MXI1: variants seen among roughly 807,000 people sequenced by gnomAD.
MXI1 encodes MAX interactor 1, dimerization protein, also known as max-interacting protein 1.
In MXI1, 18 loss-of-function variants were observed where a neutral mutation model predicts 36.9. That is an observed-to-expected ratio of 0.49 (90% CI 0.34 to 0.72). The LOEUF (loss-of-function observed/expected upper bound fraction) is 0.72, where lower values mean the gene tolerates loss of function less well. Ranked by LOEUF, MXI1 falls within the 30% of genes least tolerant of loss-of-function variation. The probability of loss-of-function intolerance (pLI) is 0.01; values close to 1 mark genes in which losing one functional copy is unlikely to be tolerated. For missense variants in MXI1, 304 were observed against 379.1 expected, an observed-to-expected ratio of 0.80 and a Z score of 1.64; for synonymous variants, 160 against 146.7, an observed-to-expected ratio of 1.09 and a Z score of -0.65.
chr10:110,233,728 T>C (rs1855356390), intron 2 of MXI1, among the ~76,000 whole-genome samples: 1 of 152,122 alleles, frequency 6.6e-6, no homozygotes, highest in Non-Finnish European at 1.5e-5. Context: ...CAAAATTGAC[T>C]TAAATGAAAA....
At chr10:110,227,898 A>T (rs1855117121) in intron 1 of MXI1, 1 of 389,442 alleles carries the variant, frequency 2.6e-6, no homozygotes, top group East Asian at 4.5e-5. Context: ...TGGTCACAAA[A>T]TTTTTGTTCT....
Position 110,285,397 on chromosome 10 carries a change from C to T in MXI1, c.*410C>T, listed in dbSNP as rs887453626. On this transcript the variant is annotated 3_prime_UTR_variant, in exon 6 of 6. Coordinates refer to ENST00000332674, the MANE Select transcript of MXI1 (RefSeq NM_130439.3). ...TTCCTGAGCTTTATGGTCCTAAAAG[C>T]AAAATAAAAACTATTCGAATGAAAA... 3 of 154,774 alleles carry T rather than the reference C, an allele frequency of 1.9e-5. No individual in the cohort carries two copies. Among genetic ancestry groups the T allele is most frequent in the African/African-American group, 7.2e-5 (3 of 41,384 alleles). The allele number at this position is 154,774 out of a possible 1,614,324, so 9.6% of individuals were successfully genotyped here. A position where few individuals can be genotyped will look rare whatever the true frequency, so the allele number is the denominator to read the frequency against.
At chr10:110,220,649 T>C (rs1854780531) in intron 1 of MXI1, among the ~76,000 whole-genome samples, 1 of 152,232 alleles carries the variant, frequency 6.6e-6, no homozygotes, top group Non-Finnish European at 1.5e-5. Flanking sequence ...GGCAAGAATG[T>C]GGGGCATCCT....
At chr10:110,255,991 T>G (rs897462438) in intron 3 of MXI1, among the ~76,000 whole-genome samples, 2 of 151,956 alleles carry the variant, frequency 1.3e-5, no homozygotes, top group African/African-American at 4.8e-5. Context: ...TGGAATAGAG[T>G]TGAGCGTGTA....
intron 3 of MXI1, chr10:110,257,733 T>C: frequency 4.5e-6 from 1 of 221,390 alleles, no homozygotes; most frequent in Non-Finnish European, 9.5e-6. Flanking sequence ...AGAGAAAGGT[T>C]TCTGGGTTCA....
At chr10:110,282,055 T>C (rs1857269665) in intron 5 of MXI1, among the ~76,000 whole-genome samples, 1 of 152,232 alleles carries the variant, frequency 6.6e-6, no homozygotes, top group African/African-American at 2.4e-5. Context: ...TCGGTTATCC[T>C]GAAATAAAGT....
chr10:110,223,495 C>A (rs974252160), intron 1 of MXI1, among the ~76,000 whole-genome samples: 1 of 151,952 alleles, frequency 6.6e-6, no homozygotes, highest in Non-Finnish European at 1.5e-5. Context: ...TCAGGAGAAC[C>A]CGGGAGGTGG....
At chr10:110,233,877 G>C (rs551303926) in intron 2 of MXI1, among the ~76,000 whole-genome samples, 29 of 152,310 alleles carry the variant, frequency 1.9e-4, no homozygotes, top group Non-Finnish European at 3.4e-4. Flanking sequence ...AAACTTGTAT[G>C]ATCATGCCTT....
At chr10:110,236,961 T>A (rs923325464) in intron 2 of MXI1, among the ~76,000 whole-genome samples, 1 of 152,224 alleles carries the variant, frequency 6.6e-6, no homozygotes, top group Non-Finnish European at 1.5e-5. Flanking sequence ...TTCAGCAGTA[T>A]TTTTTAGGTT....
intron 2 of MXI1, 91 bp from the exon 3 acceptor site, chr10:110,244,737 C>A: frequency 2.0e-6 from 2 of 1,015,522 alleles, no homozygotes; most frequent in South Asian, 1.6e-5. Context: ...TAAATAAATT[C>A]ACTAGGTGTA....
At chr10:110,229,427 C>A (rs1286400786) in intron 2 of MXI1, among the ~76,000 whole-genome samples, 1 of 152,090 alleles carries the variant, frequency 6.6e-6, no homozygotes, top group Non-Finnish European at 1.5e-5. Context: ...CAGAATGGGG[C>A]TCTTGATTCA....
At chr10:110,283,103 C>T (rs1006826466) in intron 5 of MXI1, among the ~76,000 whole-genome samples, 33 of 152,088 alleles carry the variant, frequency 2.2e-4, no homozygotes, top group African/African-American at 8.0e-4. Flanking sequence ...TGAAGCAATT[C>T]GGATATAGAG....
intron 1 of MXI1, among the ~76,000 whole-genome samples, chr10:110,218,088 T>G (rs1339675490): frequency 2.0e-5 from 3 of 152,302 alleles, no homozygotes; most frequent in Non-Finnish European, 4.4e-5. Context: ...AGATTTTTCT[T>G]TCTTCCTAGA....
At position 110,286,361 on chromosome 10, in the gene MXI1, T is replaced by C. The variant is rs1857424849; in HGVS notation, c.*1374T>C. 6.6e-6 allele frequency: 1 copy of C among 152,638 alleles called. No individual in the cohort carries two copies. Among genetic ancestry groups the C allele is most frequent in the African/African-American group, 2.4e-5 (1 of 41,450 alleles). 9.5% of individuals were successfully genotyped at this position (152,638 alleles called of 1,614,324 possible). Reference sequence around the variant, plus strand: ...CTAGCCTGCACTTTGATGTCATGTGTTCCCTTTGTCTTTCAAACTCCAAGG... The same window carrying C: ...CTAGCCTGCACTTTGATGTCATGTGCTCCCTTTGTCTTTCAAACTCCAAGG... On this transcript the variant is annotated 3_prime_UTR_variant, in exon 6 of 6. Transcript: ENST00000332674.
At position 110,221,802 on chromosome 10, in the gene MXI1, C is replaced by G. The variant is rs558254477; in HGVS notation, c.275-6387C>G. 2.9e-4 allele frequency among the ~76,000 whole-genome samples: 44 copies of G among 152,330 alleles called. No homozygotes were observed. The South Asian group carries it at 7.5e-3, about 26-fold the overall frequency. On this transcript the variant is annotated intron_variant, in intron 1 of 5. Transcript: ENST00000332674. ...CCGTCTCAGATAAACACTGCCTCCC[C>G]CTGGCGTTCCCCCCACCCCATGTCC... is the stretch of plus-strand genomic sequence containing the variant.
chr10:110,210,288 T>G (rs1042580335), intron 1 of MXI1: 8 of 984,598 alleles, frequency 8.1e-6, no homozygotes, highest in Non-Finnish European at 8.4e-6. Context: ...GTTTGGAACC[T>G]TAGCACCCAA....
chr10:110,240,294 TAGTC>T (rs900054459), intron 2 of MXI1, among the ~76,000 whole-genome samples: 6 of 152,084 alleles, frequency 3.9e-5, no homozygotes, highest in Non-Finnish European at 8.8e-5. Flanking sequence ...TGGAAATACT[TAGTC>T]ATAAAGTATA....
At chr10:110,213,385 G>A (rs1052505036) in intron 1 of MXI1, among the ~76,000 whole-genome samples, 1 of 152,214 alleles carries the variant, frequency 6.6e-6, no homozygotes, top group Non-Finnish European at 1.5e-5. Flanking sequence ...TGAAAACTCT[G>A]TAGGTTGAAG....
At position 110,208,839 on chromosome 10, in the gene MXI1, C is replaced by T. The variant is rs1854432321; in HGVS notation, c.274+757C>T. On this transcript the variant is annotated intron_variant, in intron 1 of 5. Transcript: ENST00000332674. ...AGCCCGGGAAACTTGGCCGTGGGGA[C>T]GCGGCTAGAAGGAAACTTTGGGATC... Among the ~76,000 whole-genome samples the T allele has an allele frequency of 2.0e-5, 3 of 149,962 alleles. No individual in the cohort carries two copies. The Admixed American group carries it at 2.0e-4, about 10-fold the overall frequency.
Sources: allele counts gnomAD v4.1 joint callset (sites outside exome capture counted in the v4.1 genomes callset), GRCh38; gene constraint gnomAD v4.1.1; transcripts MANE v1.5; gene names NCBI Gene and HGNC (gene_info 2026-07-23, HGNC 2026-07-21).